CDH12: variants seen among roughly 807,000 people sequenced by gnomAD.
CDH12 encodes the protein cadherin 12.
Under a neutral mutation model 74.1 loss-of-function variants are expected in CDH12, and 41 were observed. The ratio of observed to expected loss-of-function variants is 0.55; its 90% CI spans 0.43 to 0.72. The LOEUF (loss-of-function observed/expected upper bound fraction) is 0.72. Ranked by LOEUF, CDH12 falls within the 30% of genes least tolerant of loss-of-function variation. The probability of loss-of-function intolerance (pLI) is 0.00; values close to 1 mark genes in which losing one functional copy is unlikely to be tolerated. For synonymous variants in CDH12, 399 were observed against 355.0 expected (o/e 1.12, Z -1.39); for missense variants, 945 against 977.2 (o/e 0.97, Z 0.44).
At chr5:22,052,471 T>C (rs928496172) in intron 5 of CDH12, among the ~76,000 whole-genome samples, 3 of 152,160 alleles carry the variant, frequency 2.0e-5, no homozygotes, top group Non-Finnish European at 4.4e-5. Context: ...CTTAAGCACT[T>C]GTGTAGAGGC....
chr5:22,034,208 T>C (rs1416432536), intron 5 of CDH12, among the ~76,000 whole-genome samples: 1 of 152,190 alleles, frequency 6.6e-6, no homozygotes, highest in Non-Finnish European at 1.5e-5. Flanking sequence ...ATAATTTTTA[T>C]ACCTTTAGTA....
chr5:22,192,585 G>A (rs987826550), intron 4 of CDH12, among the ~76,000 whole-genome samples: 1 of 151,664 alleles, frequency 6.6e-6, no homozygotes, highest in Admixed American at 6.6e-5. Flanking sequence ...ACCATTAGGG[G>A]TGTGTGTGTG....
At chr5:22,697,520 C>T (rs1742437509) in intron 1 of CDH12, among the ~76,000 whole-genome samples, 1 of 139,598 alleles carries the variant, frequency 7.2e-6, no homozygotes, top group Non-Finnish European at 1.5e-5. Context: ...TGCAGTGAGC[C>T]GAGATAGCAC....
At chr5:22,158,225 C>T (rs1042002602) in intron 4 of CDH12, among the ~76,000 whole-genome samples, 9 of 151,928 alleles carry the variant, frequency 5.9e-5, no homozygotes, top group Non-Finnish European at 1.0e-4. Context: ...TACTAATCAC[C>T]CTGGCCTCAG....
intron 3 of CDH12, among the ~76,000 whole-genome samples, chr5:22,302,896 T>C (rs761208716): frequency 6.6e-6 from 1 of 152,126 alleles, no homozygotes; most frequent in Non-Finnish European, 1.5e-5. Context: ...AAGAGACTGT[T>C]GGCTAACTTA....
At chr5:22,371,806 G>A (rs1291619455) in intron 3 of CDH12, among the ~76,000 whole-genome samples, 2 of 152,166 alleles carry the variant, frequency 1.3e-5, no homozygotes, top group African/African-American at 4.8e-5. Context: ...ATTTTGGCTA[G>A]AGCATGGAAA....
chr5:21,970,863 A>AG (rs1756819492), intron 6 of CDH12, among the ~76,000 whole-genome samples: 2 of 147,888 alleles, frequency 1.4e-5, no homozygotes, highest in South Asian at 4.2e-4. Context: ...AAAAAAAAAA[A>AG]AAAAAAAAAA....
chr5:22,132,679 T>C (rs2150288805), intron 4 of CDH12, among the ~76,000 whole-genome samples: 1 of 152,200 alleles, frequency 6.6e-6, no homozygotes, highest in South Asian at 2.1e-4. Context: ...TGTAGTCAAA[T>C]ACAAGTAAAA....
At chr5:22,410,876 A>G (rs73058191) in intron 2 of CDH12, among the ~76,000 whole-genome samples, 1,780 of 152,216 alleles carry the variant, frequency 0.012, 24 homozygotes, top group African/African-American at 0.04. Context: ...AGCTGACCCA[A>G]TGAAGGCTGG....
chr5:22,110,166 G>A (rs1342128713), intron 4 of CDH12, among the ~76,000 whole-genome samples: 1 of 152,120 alleles, frequency 6.6e-6, no homozygotes, highest in Non-Finnish European at 1.5e-5. Flanking sequence ...TTTATCTCCT[G>A]TTTTTAAGCA....
intron 1 of CDH12, among the ~76,000 whole-genome samples, chr5:22,837,675 T>C (rs994956018): frequency 2.6e-5 from 4 of 152,216 alleles, no homozygotes; most frequent in Admixed American, 2.0e-4. Context: ...TATGACATGT[T>C]GCTTTATATT....
At chr5:22,819,960 C>T (rs190697315) in intron 1 of CDH12, among the ~76,000 whole-genome samples, 7 of 138,958 alleles carry the variant, frequency 5.0e-5, no homozygotes, top group South Asian at 2.2e-4. Flanking sequence ...TATATATATA[C>T]ACATATATAT....
chr5:22,714,463 T>C (rs946380358), intron 1 of CDH12, among the ~76,000 whole-genome samples: 4 of 152,162 alleles, frequency 2.6e-5, no homozygotes, highest in African/African-American at 9.7e-5. Context: ...TAGTGACCTA[T>C]TGCAAGTAAA....
intron 2 of CDH12, among the ~76,000 whole-genome samples, chr5:22,433,455 T>C (rs1252205549): frequency 6.6e-6 from 1 of 152,110 alleles, no homozygotes; most frequent in African/African-American, 2.4e-5. Flanking sequence ...TTAAAACGTA[T>C]AGGGATGCAT....
intron 2 of CDH12, among the ~76,000 whole-genome samples, chr5:22,416,846 C>A (rs2126486280): frequency 6.6e-6 from 1 of 152,236 alleles, no homozygotes; most frequent in African/African-American, 2.4e-5. Context: ...CAAGACAGGA[C>A]TGTACGGTTT....
chr5:22,695,858 G>A (rs1283362250), intron 1 of CDH12, among the ~76,000 whole-genome samples: 7 of 151,958 alleles, frequency 4.6e-5, no homozygotes, highest in Non-Finnish European at 7.4e-5. Context: ...TTTCTTGGCA[G>A]AATTTCTTTC....
chr5:22,539,405 T>C (rs1449678312), intron 1 of CDH12, among the ~76,000 whole-genome samples: 1 of 152,210 alleles, frequency 6.6e-6, no homozygotes, highest in East Asian at 1.9e-4. Context: ...CTGTATTGAA[T>C]AAGTAAATTA....
At chr5:21,840,647 C>T (rs918651755) in intron 8 of CDH12, among the ~76,000 whole-genome samples, 1 of 151,736 alleles carries the variant, frequency 6.6e-6, no homozygotes, top group South Asian at 2.1e-4. Flanking sequence ...GGTACTGGTA[C>T]CAAAACAGAG....
At chr5:22,384,807 C>T (rs1741931600) in intron 3 of CDH12, among the ~76,000 whole-genome samples, 1 of 151,994 alleles carries the variant, frequency 6.6e-6, no homozygotes, top group South Asian at 2.1e-4. Context: ...AACTTAAAAA[C>T]AACTTTTTTC....
Sources: gnomAD v4.1 joint callset for allele counts (sites outside exome capture counted in the v4.1 genomes callset) on GRCh38, gnomAD v4.1.1 for gene constraint, MANE v1.5 for transcripts, NCBI Gene and HGNC (gene_info 2026-07-23, HGNC 2026-07-21) for gene names.